The following ARHGAP44 variants were observed in gnomAD, a reference collection of about 807,000 sequenced individuals.
The protein encoded by ARHGAP44 is rho GTPase-activating protein 44.
Under a neutral mutation model 106.8 loss-of-function variants are expected in ARHGAP44, and 43 were observed. The observed-to-expected ratio is 0.40, with a 90% CI of 0.32 to 0.52. The LOEUF is 0.52. ARHGAP44 is among the 20% of genes least tolerant of loss of function. The pLI, the probability that ARHGAP44 is intolerant of heterozygous loss-of-function variation, is 0.48. For synonymous variants in ARHGAP44, 439 were observed against 410.3 expected (o/e 1.07, Z -0.85); for missense variants, 866 against 1,050.5 (o/e 0.82, Z 2.43).
intron 1 of ARHGAP44, among the ~76,000 whole-genome samples, chr17:12,858,943 A>C (rs939681634): frequency 6.6e-6 from 1 of 152,146 alleles, no homozygotes; most frequent in Non-Finnish European, 1.5e-5. Context: ...AAACCATCAG[A>C]TCTCATGAGA....
At chr17:12,837,243 A>C (rs753006285) in intron 1 of ARHGAP44, among the ~76,000 whole-genome samples, 6 of 152,212 alleles carry the variant, frequency 3.9e-5, no homozygotes, top group Non-Finnish European at 8.8e-5. Flanking sequence ...ATGTATCAAA[A>C]TTTGTGGGGT....
At chr17:12,916,805 A>G (rs1436279006) in intron 5 of ARHGAP44, among the ~76,000 whole-genome samples, 1 of 152,204 alleles carries the variant, frequency 6.6e-6, no homozygotes, top group Non-Finnish European at 1.5e-5. Flanking sequence ...GCCAAGTGAA[A>G]GCTTCTCACG....
At chr17:12,833,017 T>G (rs1395840199) in intron 1 of ARHGAP44, among the ~76,000 whole-genome samples, 2 of 152,370 alleles carry the variant, frequency 1.3e-5, no homozygotes, top group East Asian at 1.9e-4. Context: ...ACAGTTTCTG[T>G]GCCTGGGCAC....
At chr17:12,980,299 C>A (rs946448601) in intron 19 of ARHGAP44, 66 bp downstream of exon 19, 15 of 1,495,812 alleles carry the variant, frequency 1.0e-5, no homozygotes, top group Non-Finnish European at 1.3e-5. Flanking sequence ...CCTGAAGGCT[C>A]GTTTTCCTCT....
intron 4 of ARHGAP44, among the ~76,000 whole-genome samples, chr17:12,911,495 A>G (rs1329229952): frequency 6.6e-6 from 1 of 152,208 alleles, no homozygotes; most frequent in Non-Finnish European, 1.5e-5. Flanking sequence ...CATGTAAATT[A>G]CATCACGTAA....
intron 4 of ARHGAP44, among the ~76,000 whole-genome samples, chr17:12,915,637 T>C (rs2037887690): frequency 1.3e-5 from 2 of 152,226 alleles, no homozygotes; most frequent in African/African-American, 2.4e-5. Context: ...TATAGGCATG[T>C]GTGTCTGTTT....
intron 1 of ARHGAP44, among the ~76,000 whole-genome samples, chr17:12,810,693 G>T (rs2034411640): frequency 6.6e-6 from 1 of 152,190 alleles, no homozygotes; most frequent in Non-Finnish European, 1.5e-5. Context: ...TGCTAGGAGG[G>T]TGATGCACCT....
chr17:12,877,577 C>T (rs1020893757), intron 1 of ARHGAP44, among the ~76,000 whole-genome samples: 64 of 151,976 alleles, frequency 4.2e-4, no homozygotes, highest in African/African-American at 1.5e-3. Context: ...GGCGAAATCC[C>T]GTCTCTACTA....
At chr17:12,979,683 C>G (rs969939577) in intron 18 of ARHGAP44, among the ~76,000 whole-genome samples, 1 of 152,226 alleles carries the variant, frequency 6.6e-6, no homozygotes, top group Non-Finnish European at 1.5e-5. Context: ...GTAGGAAAAG[C>G]ACTTTGGTGT....
At chr17:12,937,053 CTCTT>C (rs1445470589) in intron 7 of ARHGAP44, among the ~76,000 whole-genome samples, 13 of 152,310 alleles carry the variant, frequency 8.5e-5, no homozygotes, top group African/African-American at 2.9e-4. Flanking sequence ...TATGATCGGT[CTCTT>C]TCTTTTGGTG....
intron 3 of ARHGAP44, among the ~76,000 whole-genome samples, chr17:12,903,083 TGAGAGAGA>T (rs67363604): frequency 6.4e-4 from 45 of 70,140 alleles, no homozygotes; most frequent in African/African-American, 1.7e-3. Flanking sequence ...AGGGAATATA[TGAGAGAGA>T]GAGAGAGAGA....
Position 12,801,651 on chromosome 17 carries a change from GTC to G in ARHGAP44, c.53+11762_53+11763del, listed in dbSNP as rs144582065. The stretch of plus-strand genomic sequence containing the variant: ...AGTGTTTTTATGACATTCAAAAAAT[GTC>G]TAAGGGCCGAGAGACATGTTTATGA... On this transcript the variant is annotated intron_variant, in intron 1 of 20. Transcript: ENST00000379672. Among the ~76,000 whole-genome samples the G allele has an allele frequency of 7.2e-3, 1,102 of 152,286 alleles. 22 individuals are homozygous for G. The highest frequency in any genetic ancestry group is 0.023 in the African/African-American group (959 of 41,554).
At chr17:12,843,218 C>A (rs746055435) in intron 1 of ARHGAP44, among the ~76,000 whole-genome samples, 3 of 152,146 alleles carry the variant, frequency 2.0e-5, no homozygotes, top group East Asian at 1.9e-4. Flanking sequence ...GTCCTGAACT[C>A]TTTCTAATGC....
At chr17:12,962,718 C>T (rs1010901059) in intron 16 of ARHGAP44, among the ~76,000 whole-genome samples, 1 of 152,148 alleles carries the variant, frequency 6.6e-6, no homozygotes. Flanking sequence ...TCCTTGATTT[C>T]CACCTGGTAA....
chr17:12,952,026 G>A (rs1306873694), intron 12 of ARHGAP44, among the ~76,000 whole-genome samples: 5 of 152,324 alleles, frequency 3.3e-5, no homozygotes. Context: ...ACATCCGGGG[G>A]CCACAGGAGG....
rs796328608 is a variant in ARHGAP44 at position 12,940,976 on chromosome 17, C to T, written c.583-80C>T. The T allele has an allele frequency of 2.9e-5, 36 of 1,239,274 alleles. No homozygotes were observed. In the South Asian group the frequency reaches 4.5e-4, roughly 15 times the overall value. 76.8% of individuals were successfully genotyped at this position (1,239,274 alleles called of 1,614,324 possible). On this transcript the variant is annotated intron_variant, in intron 7 of 20. Coordinates refer to ENST00000379672, the MANE Select transcript of ARHGAP44 (RefSeq NM_014859.6). ...TTAAGCAGTGTTTAAGGCTCTTTCTCACGTGATGTGTTGACTTATGCATTA... is the reference window on the plus strand; with the variant it reads ...TTAAGCAGTGTTTAAGGCTCTTTCTTACGTGATGTGTTGACTTATGCATTA...
intron 9 of ARHGAP44, 58 bp downstream of exon 9, chr17:12,943,727 A>G (rs2038766781): frequency 5.2e-6 from 8 of 1,528,426 alleles, no homozygotes; most frequent in Non-Finnish European, 7.2e-6. Flanking sequence ...GCCTTCCCGG[A>G]TGAGATGAAT....
intron 1 of ARHGAP44, among the ~76,000 whole-genome samples, chr17:12,881,947 T>G (rs886116923): frequency 2.0e-5 from 3 of 152,168 alleles, no homozygotes; most frequent in African/African-American, 7.2e-5. Flanking sequence ...GTGATCCTCC[T>G]GCCTCAGCCT....
At chr17:12,875,897 T>A (rs1278234273) in intron 1 of ARHGAP44, among the ~76,000 whole-genome samples, 1 of 152,150 alleles carries the variant, frequency 6.6e-6, no homozygotes, top group African/African-American at 2.4e-5. Flanking sequence ...TGAGCTGAGA[T>A]GGCGTCATCG....
Sources: allele counts gnomAD v4.1 joint callset (sites outside exome capture counted in the v4.1 genomes callset), GRCh38; gene constraint gnomAD v4.1.1; transcripts MANE v1.5; gene names NCBI Gene and HGNC (gene_info 2026-07-23, HGNC 2026-07-21).